ZCCHC7: variants seen among roughly 807,000 people sequenced by gnomAD.
ZCCHC7 encodes the protein zinc finger CCHC-type containing 7.
ZCCHC7 carries 35 observed loss-of-function variants against 52.0 expected under a neutral mutation model. The observed-to-expected ratio is 0.67, with a 90% CI of 0.51 to 0.89. ZCCHC7 has a LOEUF of 0.89. Ranked by LOEUF, ZCCHC7 falls within the 40% of genes least tolerant of loss-of-function variation. The pLI is 0.00. For synonymous variants in ZCCHC7, 217 were observed against 221.5 expected (o/e 0.98, Z 0.18); for missense variants, 574 against 649.1 (o/e 0.88, Z 1.26).
At chr9:37,155,778 T>TA (rs1820783513) in intron 2 of ZCCHC7, among the ~76,000 whole-genome samples, 3 of 152,258 alleles carry the variant, frequency 2.0e-5, no homozygotes, top group Non-Finnish European at 4.4e-5. Context: ...GTAGTACAGA[T>TA]ATCTTAGCAG....
At chr9:37,291,018 A>C (rs1194816542) in intron 2 of ZCCHC7, among the ~76,000 whole-genome samples, 1 of 152,234 alleles carries the variant, frequency 6.6e-6, no homozygotes, top group African/African-American at 2.4e-5. Context: ...CACTTTTATT[A>C]TTGTGCTGCC....
chr9:37,323,912 A>C (rs1196255245), intron 5 of ZCCHC7, among the ~76,000 whole-genome samples: 1 of 152,202 alleles, frequency 6.6e-6, no homozygotes, highest in Non-Finnish European at 1.5e-5. Flanking sequence ...AAGTCTATGA[A>C]GAGCCTGGTC....
At chr9:37,315,411 TCTA>T (rs1313963567) in intron 5 of ZCCHC7, among the ~76,000 whole-genome samples, 2 of 146,346 alleles carry the variant, frequency 1.4e-5, no homozygotes, top group East Asian at 2.0e-4. Context: ...TGTAAGGCAT[TCTA>T]CTAATTGTTG....
upstream of ZCCHC7, chr9:37,120,430 C>G (rs7029240): frequency 0.51 from 202,762 of 395,120 alleles, 52,880 homozygotes; most frequent in South Asian, 0.54. Flanking sequence ...TTCGCACCCA[C>G]TACGCATGCG....
At chr9:37,215,397 TAGAAA>T (rs1366533798) in intron 2 of ZCCHC7, among the ~76,000 whole-genome samples, 1 of 152,148 alleles carries the variant, frequency 6.6e-6, no homozygotes, top group Non-Finnish European at 1.5e-5. Context: ...CGAAAGATAA[TAGAAA>T]AGAAATGTTG....
intron 2 of ZCCHC7, among the ~76,000 whole-genome samples, chr9:37,291,471 AT>A (rs574321708): frequency 2.6e-5 from 4 of 151,910 alleles, no homozygotes; most frequent in South Asian, 2.1e-4. Context: ...AGGACATGTG[AT>A]TTTTTTTATA....
chr9:37,192,988 G>A (rs1208489179), intron 2 of ZCCHC7, among the ~76,000 whole-genome samples: 1 of 152,112 alleles, frequency 6.6e-6, no homozygotes, highest in Non-Finnish European at 1.5e-5. Flanking sequence ...ATTTAGTCAT[G>A]GGAAGCACTA....
intron 2 of ZCCHC7, among the ~76,000 whole-genome samples, chr9:37,209,788 G>T (rs1215665393): frequency 6.6e-6 from 1 of 152,160 alleles, no homozygotes; most frequent in Non-Finnish European, 1.5e-5. Context: ...GAGTAGTTAG[G>T]TAGGGGTGTG....
chr9:37,258,845 A>G (rs1342140078), intron 2 of ZCCHC7, among the ~76,000 whole-genome samples: 1 of 151,746 alleles, frequency 6.6e-6, no homozygotes, highest in Non-Finnish European at 1.5e-5. Flanking sequence ...ATTGGAGAGA[A>G]AAGCAAAAAA....
chr9:37,199,334 T>C (rs1823467101), intron 2 of ZCCHC7, among the ~76,000 whole-genome samples: 1 of 148,878 alleles, frequency 6.7e-6, no homozygotes, highest in South Asian at 2.1e-4. Context: ...CTTCTTTTTT[T>C]TTTTTTTTTT....
intron 2 of ZCCHC7, among the ~76,000 whole-genome samples, chr9:37,271,181 T>C (rs1367583016): frequency 1.3e-5 from 2 of 152,222 alleles, no homozygotes; most frequent in East Asian, 3.8e-4. Context: ...AAGTATTCTT[T>C]CCAAAATTTA....
At chr9:37,166,969 T>C (rs1454350110) in intron 2 of ZCCHC7, among the ~76,000 whole-genome samples, 1 of 152,232 alleles carries the variant, frequency 6.6e-6, no homozygotes, top group African/African-American at 2.4e-5. Context: ...GCCCAGAATA[T>C]GGCTCTCTTG....
intron 2 of ZCCHC7, among the ~76,000 whole-genome samples, chr9:37,292,467 A>G (rs933884256): frequency 6.6e-6 from 1 of 152,210 alleles, no homozygotes; most frequent in Non-Finnish European, 1.5e-5. Flanking sequence ...AAGAAAAATA[A>G]TGTACTTCAT....
chr9:37,351,492 A>C (rs747486294), intron 7 of ZCCHC7, among the ~76,000 whole-genome samples: 5 of 152,102 alleles, frequency 3.3e-5, no homozygotes, highest in Non-Finnish European at 5.9e-5. Context: ...TTTTTTGTAG[A>C]GACATGGTCT....
intron 2 of ZCCHC7, among the ~76,000 whole-genome samples, chr9:37,271,159 G>A (rs1827391395): frequency 1.3e-5 from 2 of 152,196 alleles, no homozygotes; most frequent in African/African-American, 2.4e-5. Context: ...AGAGAACACA[G>A]TGCTTACCTA....
intron 2 of ZCCHC7, among the ~76,000 whole-genome samples, chr9:37,171,982 A>AT (rs902526307): frequency 2.0e-5 from 3 of 152,052 alleles, no homozygotes; most frequent in African/African-American, 7.2e-5. Context: ...GACCTGGTTG[A>AT]TTTTTTTCTA....
chr9:37,274,269 T>A (rs1422827499), intron 2 of ZCCHC7, among the ~76,000 whole-genome samples: 1 of 152,040 alleles, frequency 6.6e-6, no homozygotes, highest in East Asian at 1.9e-4. Flanking sequence ...AGCACATATA[T>A]TATGCTTGGC....
chr9:37,246,913 C>A (rs983437036), intron 2 of ZCCHC7, among the ~76,000 whole-genome samples: 8 of 152,044 alleles, frequency 5.3e-5, no homozygotes, highest in African/African-American at 1.7e-4. Context: ...ATATGTATTA[C>A]CTCACATACC....
At chr9:37,327,925 C>CCAGCAGAAGA in intron 6 of ZCCHC7, 91 bp downstream of exon 6, 5 of 1,361,912 alleles carry the variant, frequency 3.7e-6, no homozygotes, top group Non-Finnish European at 5.2e-6. Context: ...CAAGCATCTT[C>CCAGCAGAAGA]TGCTGGAAGA....
Sources: allele counts gnomAD v4.1 joint callset (sites outside exome capture counted in the v4.1 genomes callset), GRCh38; gene constraint gnomAD v4.1.1; transcripts MANE v1.5; gene names NCBI Gene and HGNC (gene_info 2026-07-23, HGNC 2026-07-21).